UBE2F: variants seen among roughly 807,000 people sequenced by gnomAD.
The protein encoded by UBE2F is ubiquitin conjugating enzyme E2 F (putative).
UBE2F carries 5 observed loss-of-function variants against 29.6 expected under a neutral mutation model. The observed-to-expected ratio is 0.17, with a 90% confidence interval of 0.09 to 0.36. UBE2F has a LOEUF of 0.36. Among genes scored for constraint, UBE2F ranks in the 10% least tolerant of loss-of-function variants. The pLI is 1.00. For synonymous variants in UBE2F, 66 were observed against 81.8 expected (o/e 0.81, Z 1.04); for missense variants, 141 against 228.5 (o/e 0.62, Z 2.47).
intron 2 of UBE2F, among the ~76,000 whole-genome samples, chr2:237,974,101 C>T (rs887017642): frequency 2.0e-5 from 3 of 152,062 alleles, no homozygotes; most frequent in African/African-American, 7.2e-5. Context: ...TCCAGCAATT[C>T]TCCTGCCTCA....
Position 238,016,553 on chromosome 2 carries a change from T to G in UBE2F, c.215-13T>G. 6.2e-7 allele frequency: 1 copy of G among 1,602,420 alleles called. No individual in the cohort carries two copies. The highest frequency in any genetic ancestry group is 8.5e-7 in the Non-Finnish European group (1 of 1,176,102). ...TAAAGGATTTTTTTGTTTTGTTTTGTGTTTTTTGATAGATGAGGGTTACTA... is the reference window on the plus strand; with the variant it reads ...TAAAGGATTTTTTTGTTTTGTTTTGGGTTTTTTGATAGATGAGGGTTACTA... On this transcript the variant is annotated splice_polypyrimidine_tract_variant and intron_variant, in intron 4 of 9. Transcript: ENST00000272930.
At chr2:238,032,196 G>A in intron 7 of UBE2F, 26 bp from the exon 8 acceptor site, 1 of 1,607,886 alleles carries the variant, frequency 6.2e-7, no homozygotes, top group Non-Finnish European at 8.5e-7. Context: ...CTTAAAACTT[G>A]TTTTCTGTTT....
chr2:237,975,143 C>A (rs1042655274), intron 2 of UBE2F, among the ~76,000 whole-genome samples: 2 of 151,662 alleles, frequency 1.3e-5, no homozygotes, highest in East Asian at 3.9e-4. Context: ...TACTCTATCA[C>A]CAGCCTGGAG....
At chr2:237,979,484 C>T (rs1386334795) in intron 2 of UBE2F, among the ~76,000 whole-genome samples, 3 of 152,178 alleles carry the variant, frequency 2.0e-5, no homozygotes, top group Admixed American at 6.5e-5. Context: ...TGTCCTGGCG[C>T]GGAAGTCTAG....
rs2064856600 is a variant in UBE2F at position 238,042,778 on chromosome 2, C to T, written c.*1440C>T. 6.6e-6 allele frequency: 1 copy of T among 152,248 alleles called. No homozygotes were observed. Among genetic ancestry groups the T allele is most frequent in the South Asian group, 2.1e-4 (1 of 4,832 alleles). 9.4% of individuals were successfully genotyped at this position (152,248 alleles called of 1,614,324 possible). A position where few individuals can be genotyped will look rare whatever the true frequency, so the allele number is the denominator to read the frequency against. On this transcript the variant is annotated 3_prime_UTR_variant, in exon 10 of 10. Coordinates refer to ENST00000272930, the MANE Select transcript of UBE2F (RefSeq NM_080678.3). ...GTAGGCCTTGCTTCCTCTTTGCACC[C>T]ATTAGACTTGAGGGTGGCCCCTGGC...
intron 3 of UBE2F, among the ~76,000 whole-genome samples, chr2:237,988,609 CT>C (rs1483018045): frequency 1.4e-5 from 2 of 139,878 alleles, no homozygotes; most frequent in East Asian, 4.1e-4. Context: ...GAATGAGACT[CT>C]GTCTTAAAAA....
At chr2:237,975,392 T>C (rs936412620) in intron 2 of UBE2F, among the ~76,000 whole-genome samples, 1 of 152,210 alleles carries the variant, frequency 6.6e-6, no homozygotes, top group African/African-American at 2.4e-5. Context: ...ATTACAGGTG[T>C]GAGCCACTGT....
chr2:237,991,987 C>T (rs1487761671), intron 3 of UBE2F, among the ~76,000 whole-genome samples: 1 of 152,010 alleles, frequency 6.6e-6, no homozygotes, highest in Non-Finnish European at 1.5e-5. Flanking sequence ...GCCTCAGCCT[C>T]CCCCTCAGCT....
At chr2:238,027,898 C>T (rs1294783203) in intron 6 of UBE2F, among the ~76,000 whole-genome samples, 3 of 152,248 alleles carry the variant, frequency 2.0e-5, no homozygotes, top group Admixed American at 1.3e-4. Context: ...TGCCCTGGCT[C>T]CACCTTGTTG....
At chr2:238,011,836 A>G (rs1047905926) in intron 4 of UBE2F, among the ~76,000 whole-genome samples, 1 of 152,172 alleles carries the variant, frequency 6.6e-6, no homozygotes, top group African/African-American at 2.4e-5. Flanking sequence ...TGGCTGTGCC[A>G]TTTTGTCTTT....
At chr2:238,015,446 T>G (rs1405783361) in intron 4 of UBE2F, among the ~76,000 whole-genome samples, 1 of 152,170 alleles carries the variant, frequency 6.6e-6, no homozygotes, top group East Asian at 1.9e-4. Context: ...TCACTAGTAT[T>G]CATCAGAGAA....
intron 1 of UBE2F, among the ~76,000 whole-genome samples, chr2:237,969,102 G>GTACATT (rs2063120057): frequency 6.6e-6 from 1 of 152,174 alleles, no homozygotes; most frequent in Non-Finnish European, 1.5e-5. Context: ...TGTTAGAGAA[G>GTACATT]TACATTTTTT....
At position 237,967,065 on chromosome 2, in the gene UBE2F, G is replaced by A. The variant is rs1401874082; in HGVS notation, c.-84G>A. ...GTGCGGCTGTGAGGGGCCGCGTCTC[G>A]CAGCAGCCGCCCGGACCGGGCATGG... On this transcript the variant is annotated 5_prime_UTR_variant, in exon 1 of 10. Transcript: ENST00000272930. This position sits in a 1 kb window ranked among gnomAD's most constrained non-coding sequence, Gnocchi z 6.3. The A allele has an allele frequency of 6.8e-6, 9 of 1,323,246 alleles. No individual in the cohort carries two copies. The East Asian group carries it at 1.6e-4, about 23-fold the overall frequency. The allele number at this position is 1,323,246 out of a possible 1,614,324, so 82.0% of individuals were successfully genotyped here.
chr2:238,010,555 A>G (rs1047232513), intron 4 of UBE2F, among the ~76,000 whole-genome samples: 2 of 152,176 alleles, frequency 1.3e-5, no homozygotes, highest in Non-Finnish European at 2.9e-5. Flanking sequence ...TGCAGTTGTT[A>G]TTTGTACAGG....
Position 238,035,855 on chromosome 2 carries a change from CTTTAAG to C in UBE2F, c.445-19_445-14del. 1.3e-6 allele frequency: 2 copies of C among 1,596,536 alleles called. No homozygotes were observed. The highest frequency in any genetic ancestry group is 1.7e-6 in the Non-Finnish European group (2 of 1,166,416). Reference sequence around the variant, plus strand: ...AGAAAAGCAGTTCTCCCAATGTTTACTTTAAGTTTCTCTCTTTTTAAGGATCTTTTG... The same window carrying C: ...AGAAAAGCAGTTCTCCCAATGTTTACTTTCTCTCTTTTTAAGGATCTTTTG... On this transcript the variant is annotated splice_polypyrimidine_tract_variant and intron_variant, in intron 8 of 9. Transcript: ENST00000272930.
rs147132273 is a variant in UBE2F, at chr2:238,016,842, T to G, written c.282+209T>G. Among the ~76,000 whole-genome samples, 725 of 152,322 alleles carry G rather than the reference T, an allele frequency of 4.8e-3. 5 individuals carry two copies. Among genetic ancestry groups the G allele is most frequent in the African/African-American group, 0.017 (693 of 41,574 alleles). On this transcript the variant is annotated intron_variant, in intron 5 of 9. Coordinates refer to ENST00000272930, the MANE Select transcript of UBE2F (RefSeq NM_080678.3). ...ATTCCGTTTATTCAGCAAATACTTA[T>G]GAGTACTATGTGCCAGGCAGCCTGC...
chr2:237,993,416 GAGA>G (rs2063628390), intron 3 of UBE2F, among the ~76,000 whole-genome samples: 1 of 152,208 alleles, frequency 6.6e-6, no homozygotes, highest in African/African-American at 2.4e-5. Context: ...GTGGTGAACT[GAGA>G]AGTTTAGCAT....
In UBE2F at chr2:237,982,935, A is replaced by C. The variant is rs75183214; in HGVS notation, c.119-5028A>C. ...GCAGCTATGTATCAGTGTGGGCATG[A>C]GAAGAATAATGGTAAACCTTTCCTA... On this transcript the variant is annotated intron_variant, in intron 2 of 9. Transcript: ENST00000272930. The surrounding 1 kb of genome is among the most constrained non-coding windows in gnomAD (Gnocchi z 4.1). Among the ~76,000 whole-genome samples the C allele has an allele frequency of 1.6e-4, 24 of 152,180 alleles. No individual in the cohort carries two copies. Among genetic ancestry groups the C allele is most frequent in the African/African-American group, 5.8e-4 (24 of 41,442 alleles).
chr2:237,993,136 C>T (rs1053937023), intron 3 of UBE2F, among the ~76,000 whole-genome samples: 2 of 151,760 alleles, frequency 1.3e-5, no homozygotes, highest in Non-Finnish European at 2.9e-5. Context: ...TACAGGCGCC[C>T]GCCACCTTGC....
Sources: allele counts gnomAD v4.1 joint callset (sites outside exome capture counted in the v4.1 genomes callset), GRCh38; gene constraint gnomAD v4.1.1; non-coding constraint Gnocchi (gnomAD v3.1); transcripts MANE v1.5; gene names NCBI Gene and HGNC (gene_info 2026-07-23, HGNC 2026-07-21).